The following GRID1 variants were observed in gnomAD, a reference collection of about 807,000 sequenced individuals.
GRID1 encodes glutamate ionotropic receptor delta type subunit 1, also known as glutamate receptor ionotropic, delta-1.
A neutral mutation model predicts 98.0 loss-of-function variants in GRID1; 28 were observed. That is an observed-to-expected ratio of 0.29 (90% CI 0.21 to 0.39). The LOEUF is 0.39. GRID1 is among the 10% of genes least tolerant of loss of function. The probability of loss-of-function intolerance (pLI) is 1.00; values close to 1 mark genes in which losing one functional copy is unlikely to be tolerated. For missense variants in GRID1, 1,111 were observed against 1,340.5 expected, an observed-to-expected ratio of 0.83 and a Z score of 2.67; for synonymous variants, 553 against 538.5, an observed-to-expected ratio of 1.03 and a Z score of -0.37.
At chr10:86,007,025 G>T (rs1265307287) in intron 4 of GRID1, among the ~76,000 whole-genome samples, 1 of 152,090 alleles carries the variant, frequency 6.6e-6, no homozygotes, top group African/African-American at 2.4e-5. Flanking sequence ...GGAAGCAGGG[G>T]TCACACTCCG....
chr10:85,665,841 T>C (rs979967137), intron 12 of GRID1, among the ~76,000 whole-genome samples: 24 of 152,088 alleles, frequency 1.6e-4, no homozygotes, highest in Admixed American at 1.2e-3. Flanking sequence ...AAATCTGAGC[T>C]CTTGGGGTGA....
chr10:86,251,588 G>A (rs1846833814), intron 2 of GRID1, among the ~76,000 whole-genome samples: 2 of 152,062 alleles, frequency 1.3e-5, no homozygotes, highest in Non-Finnish European at 2.9e-5. Flanking sequence ...GCCCCTGACA[G>A]GAGTGGCCTG....
At chr10:86,338,969 C>T (rs1453198927) in intron 2 of GRID1, among the ~76,000 whole-genome samples, 1 of 152,100 alleles carries the variant, frequency 6.6e-6, no homozygotes, top group Non-Finnish European at 1.5e-5. Flanking sequence ...GCTCAGAGAG[C>T]TTCAGTAAGT....
intron 5 of GRID1, among the ~76,000 whole-genome samples, chr10:85,873,756 G>T (rs1189090146): frequency 6.6e-6 from 1 of 152,160 alleles, no homozygotes; most frequent in East Asian, 1.9e-4. Flanking sequence ...CTAACACGCT[G>T]TTTCTCAAAC....
intron 4 of GRID1, among the ~76,000 whole-genome samples, chr10:86,006,880 T>C (rs914221630): frequency 2.6e-5 from 4 of 151,382 alleles, no homozygotes; most frequent in African/African-American, 9.7e-5. Flanking sequence ...AGACTGGATG[T>C]AGGAGGCAGG....
chr10:85,833,637 T>C (rs1229920070), intron 8 of GRID1, among the ~76,000 whole-genome samples: 1 of 151,908 alleles, frequency 6.6e-6, no homozygotes, highest in Non-Finnish European at 1.5e-5. Flanking sequence ...GAAAAAATGA[T>C]CAACTGATGC....
chr10:85,699,016 TTTTG>T (rs1368773461), intron 12 of GRID1, among the ~76,000 whole-genome samples: 3 of 152,108 alleles, frequency 2.0e-5, no homozygotes, highest in African/African-American at 7.2e-5. Flanking sequence ...AGTTGAATTT[TTTTG>T]TTTGTTTGTT....
At chr10:86,002,046 T>C (rs1388933143) in intron 4 of GRID1, among the ~76,000 whole-genome samples, 5 of 152,188 alleles carry the variant, frequency 3.3e-5, no homozygotes, top group African/African-American at 4.8e-5. Context: ...TCTTTGTGCA[T>C]GTCTGTCTTC....
intron 12 of GRID1, among the ~76,000 whole-genome samples, chr10:85,704,024 AAATTATTTTCTTTAAGAATGTTG>A (rs1359541010): frequency 6.6e-6 from 1 of 152,154 alleles, no homozygotes; most frequent in African/African-American, 2.4e-5. Flanking sequence ...TCTGGGTTGA[AAATTATTTTCTTTAAGAATGTTG>A]AATATTGCAT....
At chr10:86,079,954 A>G (rs1402847809) in intron 4 of GRID1, among the ~76,000 whole-genome samples, 2 of 152,208 alleles carry the variant, frequency 1.3e-5, no homozygotes, top group African/African-American at 4.8e-5. Flanking sequence ...TGAAAGGACC[A>G]TTCGGTAGAG....
chr10:86,302,470 C>A (rs1431700561), intron 2 of GRID1, among the ~76,000 whole-genome samples: 1 of 152,204 alleles, frequency 6.6e-6, no homozygotes, highest in Non-Finnish European at 1.5e-5. Flanking sequence ...TCCACAGAGC[C>A]TCTGCCTACA....
intron 12 of GRID1, among the ~76,000 whole-genome samples, chr10:85,704,062 T>A (rs887749404): frequency 6.6e-6 from 1 of 152,178 alleles, no homozygotes; most frequent in African/African-American, 2.4e-5. Flanking sequence ...TTGCATAAAC[T>A]AATGAGCAAA....
At chr10:86,079,037 G>A (rs1843927442) in intron 4 of GRID1, among the ~76,000 whole-genome samples, 1 of 152,194 alleles carries the variant, frequency 6.6e-6, no homozygotes, top group Non-Finnish European at 1.5e-5. Flanking sequence ...CTCAGAAACT[G>A]GGTAACAGCC....
chr10:85,881,602 A>T (rs1383620821), intron 5 of GRID1, among the ~76,000 whole-genome samples: 1 of 152,232 alleles, frequency 6.6e-6, no homozygotes, highest in Non-Finnish European at 1.5e-5. Context: ...TCCCTTCCTT[A>T]CACCTTATAC....
At chr10:85,913,482 T>C (rs1044693551) in intron 5 of GRID1, among the ~76,000 whole-genome samples, 1 of 152,202 alleles carries the variant, frequency 6.6e-6, no homozygotes, top group Admixed American at 6.5e-5. Context: ...GCCTGGCACA[T>C]AGTAGGTGAT....
At chr10:85,932,834 G>T (rs1003978352) in intron 4 of GRID1, among the ~76,000 whole-genome samples, 3 of 152,168 alleles carry the variant, frequency 2.0e-5, no homozygotes. Context: ...CATGGCTTGT[G>T]CAGGGGCTGA....
chr10:86,332,199 C>CT (rs1318217595), intron 2 of GRID1, among the ~76,000 whole-genome samples: 3 of 152,212 alleles, frequency 2.0e-5, no homozygotes, highest in African/African-American at 7.2e-5. Context: ...GCTGGATTGG[C>CT]TTCCTAACAG....
intron 3 of GRID1, among the ~76,000 whole-genome samples, chr10:86,152,642 C>T (rs572309177): frequency 1.1e-4 from 16 of 152,324 alleles, no homozygotes; most frequent in African/African-American, 2.9e-4. Context: ...GGCCTGGGCA[C>T]GGCTCTTAAG....
chr10:85,942,461 C>T (rs746198022), intron 4 of GRID1, among the ~76,000 whole-genome samples: 1 of 152,216 alleles, frequency 6.6e-6, no homozygotes, highest in Non-Finnish European at 1.5e-5. Context: ...GGGATCCCCA[C>T]CCTAAAGATC....
Sources: gnomAD v4.1 joint callset for allele counts (sites outside exome capture counted in the v4.1 genomes callset) on GRCh38, gnomAD v4.1.1 for gene constraint, MANE v1.5 for transcripts, NCBI Gene and HGNC (gene_info 2026-07-23, HGNC 2026-07-21) for gene names.